GRIA2: variants seen among roughly 807,000 people sequenced by gnomAD.
The protein encoded by GRIA2 is glutamate receptor 2.
In GRIA2, 14 loss-of-function variants were observed where a neutral mutation model predicts 97.3. That is an observed-to-expected ratio of 0.14 (90% CI 0.10 to 0.23). The LOEUF (loss-of-function observed/expected upper bound fraction) is 0.23, where lower values mean the gene tolerates loss of function less well. GRIA2 is among the 10% of genes least tolerant of loss of function. The probability of loss-of-function intolerance (pLI) is 1.00; values close to 1 mark genes in which losing one functional copy is unlikely to be tolerated. For synonymous variants in GRIA2, 412 were observed against 387.8 expected (o/e 1.06, Z -0.73); for missense variants, 558 against 1,069.8 (o/e 0.52, Z 6.67).
At chr4:157,248,737 GTA>G (rs767899255) in intron 2 of GRIA2, among the ~76,000 whole-genome samples, 1 of 129,880 alleles carries the variant, frequency 7.7e-6, no homozygotes. Context: ...ATACACGTAT[GTA>G]TATATATATA....
rs545962851 is a variant in GRIA2, at chr4:157,304,273, A to G, written c.469+482A>G. Reference sequence around the variant, plus strand: ...CTCAGAGAAGTTAAAGGTTTTTCTCAGGATCAACCCACGTATGGTACAGCT... The same window carrying G: ...CTCAGAGAAGTTAAAGGTTTTTCTCGGGATCAACCCACGTATGGTACAGCT... On this transcript the variant is annotated intron_variant, in intron 3 of 15. Transcript: ENST00000264426. 5.3e-5 allele frequency among the ~76,000 whole-genome samples: 8 copies of G among 152,358 alleles called. No homozygotes were observed. The East Asian group carries it at 1.5e-3, about 29-fold the overall frequency.
At chr4:157,237,405 C>A (rs1730302743) in intron 2 of GRIA2, among the ~76,000 whole-genome samples, 1 of 151,330 alleles carries the variant, frequency 6.6e-6, no homozygotes, top group South Asian at 2.1e-4. Flanking sequence ...GGTTATTCTT[C>A]TGCTTCAGCC....
chr4:157,317,030 G>A (rs1734355177), intron 4 of GRIA2, among the ~76,000 whole-genome samples: 1 of 152,140 alleles, frequency 6.6e-6, no homozygotes, highest in Non-Finnish European at 1.5e-5. Flanking sequence ...TGGGTTTGTG[G>A]AGAAAAATTA....
rs1251656086 is a variant in GRIA2, at chr4:157,287,760, A to G, written c.230-15792A>G. On this transcript the variant is annotated intron_variant, in intron 2 of 15. Coordinates refer to ENST00000264426, the MANE Select transcript of GRIA2 (RefSeq NM_001083619.3). ...GACCACCTTTTCACAATTCTGTCCT[A>G]TGTTCTCATACTAGGGAGTATCCAA... 2.6e-5 allele frequency among the ~76,000 whole-genome samples: 4 copies of G among 151,032 alleles called. 1 individual carries two copies. In the South Asian group the frequency reaches 6.3e-4, roughly 24 times the overall value.
chr4:157,241,437 C>T (rs1051356292), intron 2 of GRIA2, among the ~76,000 whole-genome samples: 11 of 152,006 alleles, frequency 7.2e-5, no homozygotes, highest in African/African-American at 2.7e-4. Context: ...AAACAGATTC[C>T]CCCATGAAGA....
At chr4:157,341,711 A>G (rs1417496677) in intron 12 of GRIA2, among the ~76,000 whole-genome samples, 1 of 152,154 alleles carries the variant, frequency 6.6e-6, no homozygotes, top group Non-Finnish European at 1.5e-5. Flanking sequence ...ACAAAAATTG[A>G]TTGTCCTTTT....
intron 6 of GRIA2, among the ~76,000 whole-genome samples, chr4:157,329,659 C>T (rs1321091981): frequency 6.6e-6 from 1 of 151,824 alleles, no homozygotes; most frequent in Non-Finnish European, 1.5e-5. Context: ...AGTTTTGCAT[C>T]AAGATAGATA....
intron 1 of GRIA2, chr4:157,221,376 C>T (rs114938139): frequency 1.4e-5 from 8 of 560,678 alleles, no homozygotes; most frequent in African/African-American, 1.1e-4. Flanking sequence ...TCTGCCTTAG[C>T]GACATTTTCC....
At chr4:157,302,716 G>A (rs541653237) in intron 2 of GRIA2, among the ~76,000 whole-genome samples, 5 of 152,180 alleles carry the variant, frequency 3.3e-5, no homozygotes, top group African/African-American at 9.6e-5. Context: ...AAAATAAGTG[G>A]CCCTTATTTG....
At chr4:157,282,495 G>T (rs1298706649) in intron 2 of GRIA2, among the ~76,000 whole-genome samples, 1 of 152,088 alleles carries the variant, frequency 6.6e-6, no homozygotes, top group African/African-American at 2.4e-5. Context: ...AGAAAATAGT[G>T]TGGGGGATTG....
At chr4:157,313,783 G>A (rs753565276) in intron 4 of GRIA2, among the ~76,000 whole-genome samples, 10 of 151,704 alleles carry the variant, frequency 6.6e-5, no homozygotes, top group Non-Finnish European at 1.3e-4. Flanking sequence ...ACATATATAT[G>A]TGCACATATA....
intron 9 of GRIA2, 136 bp downstream of exon 9, chr4:157,334,256 A>G: frequency 1.7e-6 from 1 of 603,136 alleles, no homozygotes; most frequent in Non-Finnish European, 3.0e-6. Context: ...TTTCATATTT[A>G]CTCTGTTAAA....
At chr4:157,222,169 C>T (rs551181622) in intron 2 of GRIA2, among the ~76,000 whole-genome samples, 2 of 152,224 alleles carry the variant, frequency 1.3e-5, no homozygotes, top group African/African-American at 4.8e-5. Context: ...CGCCTGTTGG[C>T]ACCCTGCCCA....
At position 157,221,069 on chromosome 4, in the gene GRIA2, C is replaced by G. The variant is rs1397030273; in HGVS notation, c.27C>G (p.Val9=). 1 of 1,588,484 alleles carries G rather than the reference C, an allele frequency of 6.3e-7. No individual in the cohort carries two copies. Among genetic ancestry groups the G allele is most frequent in the African/African-American group, 1.3e-5 (1 of 74,514 alleles). The change falls in exon 1 of 16, where the codon GTC becomes GTG. Residue 9 remains valine (V), a synonymous_variant. Coordinates refer to ENST00000264426, the MANE Select transcript of GRIA2 (RefSeq NM_001083619.3). ...TGCAAAAGATTATGCATATTTCTGT[C>G]CTCCTTTCTCCTGTTTTATGGGGAC... The part of the protein sequence containing the change: MQKIMHIS[V]LLSPVLWGLI...
chr4:157,306,547 T>C (rs976429733), intron 3 of GRIA2, among the ~76,000 whole-genome samples: 1 of 152,158 alleles, frequency 6.6e-6, no homozygotes, highest in Non-Finnish European at 1.5e-5. Flanking sequence ...CTTATGGATA[T>C]ATTTTCAAGG....
chr4:157,341,530 C>T (rs1190819178), intron 12 of GRIA2, 68 bp downstream of exon 12: 8 of 1,048,056 alleles, frequency 7.6e-6, no homozygotes, highest in Non-Finnish European at 1.2e-5. Context: ...CTTTGTTTCC[C>T]TCCCATAGTC....
In GRIA2 at chr4:157,361,899, T is replaced by C. The variant is rs951053749; in HGVS notation, c.2406+775T>C. Among the ~76,000 whole-genome samples the C allele has an allele frequency of 1.3e-5, 2 of 152,190 alleles. No individual in the cohort carries two copies. The highest frequency in any genetic ancestry group is 2.9e-5 in the Non-Finnish European group (2 of 68,044). ...TCAGTCTGTGTTCATGTCTAACTCA[T>C]ACATAATAGTGCATGAAACAGCAAC... On this transcript the variant is annotated intron_variant, in intron 14 of 15. Transcript: ENST00000264426. This position sits in a 1 kb window ranked among gnomAD's most constrained non-coding sequence, Gnocchi z 5.2.
chr4:157,261,249 T>C (rs1377730407), intron 2 of GRIA2, among the ~76,000 whole-genome samples: 1 of 152,126 alleles, frequency 6.6e-6, no homozygotes, highest in Non-Finnish European at 1.5e-5. Context: ...ATTTTATATA[T>C]CAACATTTAA....
intron 2 of GRIA2, chr4:157,250,000 T>G (rs752903334): frequency 6.6e-6 from 1 of 152,124 alleles, no homozygotes; most frequent in Non-Finnish European, 1.5e-5. Flanking sequence ...ACTATCATGA[T>G]CTGCAAATAT....
Sources: gnomAD v4.1 joint callset for allele counts (sites outside exome capture counted in the v4.1 genomes callset) on GRCh38, gnomAD v4.1.1 for gene constraint, Gnocchi (gnomAD v3.1) non-coding constraint, MANE v1.5 for transcripts, NCBI Gene and HGNC (gene_info 2026-07-23, HGNC 2026-07-21) for gene names.